C8orf34: variants seen among roughly 807,000 people sequenced by gnomAD.
C8orf34 encodes chromosome 8 open reading frame 34.
C8orf34 carries 65 observed loss-of-function variants against 68.3 expected under a neutral mutation model. The ratio of observed to expected loss-of-function variants is 0.95; its 90% confidence interval spans 0.78 to 1.17. The LOEUF (loss-of-function observed/expected upper bound fraction) is 1.17. Ranked by LOEUF, C8orf34 falls within the 50% of genes most tolerant of loss-of-function variation. The pLI, the probability that C8orf34 is intolerant of heterozygous loss-of-function variation, is 0.00. For synonymous variants in C8orf34, 244 were observed against 241.2 expected (o/e 1.01, Z -0.11); for missense variants, 664 against 655.4 (o/e 1.01, Z -0.14).
chr8:68,474,551 C>T (rs1045902714), intron 4 of C8orf34, among the ~76,000 whole-genome samples: 1 of 152,088 alleles, frequency 6.6e-6, no homozygotes, highest in African/African-American at 2.4e-5. Context: ...CAGCCTCTGC[C>T]CTTATTGAGC....
At chr8:68,556,133 G>A (rs1816242979) in intron 7 of C8orf34, among the ~76,000 whole-genome samples, 3 of 151,470 alleles carry the variant, frequency 2.0e-5, no homozygotes, top group South Asian at 4.2e-4. Flanking sequence ...CAAACCTTAT[G>A]TATGTCACCT....
At chr8:68,560,679 A>C (rs184791560) in intron 7 of C8orf34, among the ~76,000 whole-genome samples, 1 of 152,310 alleles carries the variant, frequency 6.6e-6, no homozygotes, top group African/African-American at 2.4e-5. Flanking sequence ...TTGTGCATCT[A>C]AACTTATCTA....
chr8:68,435,105 A>G (rs1375298061), intron 1 of C8orf34, among the ~76,000 whole-genome samples: 1 of 150,266 alleles, frequency 6.7e-6, no homozygotes, highest in Non-Finnish European at 1.5e-5. Flanking sequence ...TATAAGCCCA[A>G]TAAAATATGT....
intron 1 of C8orf34, among the ~76,000 whole-genome samples, chr8:68,409,556 A>G (rs1018612395): frequency 2.6e-5 from 4 of 152,234 alleles, no homozygotes; most frequent in African/African-American, 9.6e-5. Context: ...GCTAAGTGTT[A>G]TGAGAGAAGA....
At chr8:68,352,871 G>A (rs1009137952) in intron 1 of C8orf34, among the ~76,000 whole-genome samples, 4 of 152,056 alleles carry the variant, frequency 2.6e-5, no homozygotes, top group African/African-American at 9.7e-5. Flanking sequence ...TAGTAAAATA[G>A]CATCTTTTTG....
chr8:68,353,527 A>G (rs1806608615), intron 1 of C8orf34, among the ~76,000 whole-genome samples: 1 of 150,024 alleles, frequency 6.7e-6, no homozygotes, highest in Non-Finnish European at 1.5e-5. Context: ...TGTGTATTGT[A>G]TGCTTATGTG....
chr8:68,653,657 A>T (rs139998760), intron 8 of C8orf34, among the ~76,000 whole-genome samples: 344 of 152,316 alleles, frequency 2.3e-3, no homozygotes, highest in Non-Finnish European at 3.2e-3. Context: ...GTGGAAAGAC[A>T]GCTGGATAGC....
At chr8:68,543,400 T>A (rs1411116106) in intron 7 of C8orf34, among the ~76,000 whole-genome samples, 2 of 152,170 alleles carry the variant, frequency 1.3e-5, no homozygotes, top group Non-Finnish European at 2.9e-5. Flanking sequence ...TACCTTGGAA[T>A]AATTACTGTT....
At chr8:68,396,712 CAAAAAA>C (rs56946858) in intron 1 of C8orf34, among the ~76,000 whole-genome samples, 2 of 18,696 alleles carry the variant, frequency 1.1e-4, no homozygotes, top group African/African-American at 3.5e-4. Context: ...AGCTGCTTGT[CAAAAAA>C]AAAAAAAAAA....
At chr8:68,642,836 G>A (rs1225578523) in intron 8 of C8orf34, among the ~76,000 whole-genome samples, 1 of 152,120 alleles carries the variant, frequency 6.6e-6, no homozygotes, top group Non-Finnish European at 1.5e-5. Flanking sequence ...TGATAGGGTG[G>A]ATTTTGAGAT....
At chr8:68,648,531 C>T (rs564736434) in intron 8 of C8orf34, among the ~76,000 whole-genome samples, 13 of 152,168 alleles carry the variant, frequency 8.5e-5, no homozygotes, top group Non-Finnish European at 1.5e-5. Context: ...AGAGTTAAAT[C>T]TTGTTTGCGT....
At chr8:68,630,486 A>C (rs1818659103) in intron 7 of C8orf34, among the ~76,000 whole-genome samples, 2 of 152,160 alleles carry the variant, frequency 1.3e-5, no homozygotes, top group African/African-American at 4.8e-5. Flanking sequence ...ACAGTTCTAC[A>C]GTATATTGAA....
At chr8:68,686,131 T>C (rs368732671) in intron 8 of C8orf34, among the ~76,000 whole-genome samples, 1 of 151,456 alleles carries the variant, frequency 6.6e-6, no homozygotes, top group African/African-American at 2.4e-5. Context: ...GAATCAGTAA[T>C]AAAAAAAGAT....
intron 7 of C8orf34, among the ~76,000 whole-genome samples, chr8:68,585,431 G>A (rs1817181236): frequency 6.6e-6 from 1 of 152,086 alleles, no homozygotes; most frequent in African/African-American, 2.4e-5. Flanking sequence ...TCTCATGTTG[G>A]ATAAGAGGCA....
chr8:68,784,806 G>GTGTGTATGTA (rs1554613511), intron 11 of C8orf34, among the ~76,000 whole-genome samples: 24 of 149,264 alleles, frequency 1.6e-4, no homozygotes, highest in Middle Eastern at 3.5e-3. Context: ...GTGTGTATGT[G>GTGTGTATGTA]TGTGTGTGTG....
chr8:68,706,632 T>C (rs1585758629), intron 8 of C8orf34, among the ~76,000 whole-genome samples: 1 of 152,200 alleles, frequency 6.6e-6, no homozygotes, highest in Non-Finnish European at 1.5e-5. Context: ...CAATTCCAAG[T>C]TGTCTGTCCT....
chr8:68,510,951 A>C (rs1814244477), intron 5 of C8orf34, among the ~76,000 whole-genome samples: 1 of 152,330 alleles, frequency 6.6e-6, no homozygotes, highest in East Asian at 1.9e-4. Context: ...AACCCTGTAC[A>C]GGGACTGCAT....
At chr8:68,789,179 G>GT (rs773138388) in intron 12 of C8orf34, among the ~76,000 whole-genome samples, 1 of 152,054 alleles carries the variant, frequency 6.6e-6, no homozygotes, top group Non-Finnish European at 1.5e-5. Flanking sequence ...AAAATTTCAT[G>GT]TTAAAAAAAA....
chr8:68,699,325 A>G (rs1179980215), intron 8 of C8orf34, among the ~76,000 whole-genome samples: 1 of 152,136 alleles, frequency 6.6e-6, no homozygotes, highest in Non-Finnish European at 1.5e-5. Context: ...TTAAAAATGA[A>G]CATGAATAAT....
Sources: gnomAD v4.1 joint callset for allele counts (sites outside exome capture counted in the v4.1 genomes callset) on GRCh38, gnomAD v4.1.1 for gene constraint, MANE v1.5 for transcripts, NCBI Gene and HGNC (gene_info 2026-07-23, HGNC 2026-07-21) for gene names.